CACNA1A: variants seen among roughly 807,000 people sequenced by gnomAD.
The protein encoded by CACNA1A is calcium voltage-gated channel subunit alpha1 A, also known as voltage-dependent P/Q-type calcium channel subunit alpha-1A.
A neutral mutation model predicts 262.4 loss-of-function variants in CACNA1A; 57 were observed. The observed-to-expected ratio is 0.22, with a 90% confidence interval of 0.18 to 0.27. The LOEUF is 0.27. CACNA1A is among the 10% of genes least tolerant of loss of function. The pLI, the probability that CACNA1A is intolerant of heterozygous loss-of-function variation, is 1.00. For missense variants in CACNA1A, 2,526 were observed against 3,562.8 expected, an observed-to-expected ratio of 0.71 and a Z score of 7.41; for synonymous variants, 1,431 against 1,419.3, an observed-to-expected ratio of 1.01 and a Z score of -0.18.
At chr19:13,336,339 T>C (rs936517862) in intron 6 of CACNA1A, among the ~76,000 whole-genome samples, 5 of 152,082 alleles carry the variant, frequency 3.3e-5, no homozygotes, top group Non-Finnish European at 5.9e-5. Flanking sequence ...CCTGGTGAAA[T>C]CACCAAGCCA....
At chr19:13,333,466 A>C (rs2058501342) in intron 8 of CACNA1A, among the ~76,000 whole-genome samples, 3 of 148,854 alleles carry the variant, frequency 2.0e-5, no homozygotes, top group South Asian at 2.1e-4. Flanking sequence ...ACAGAGTCTC[A>C]CTCTGTTGCC....
At position 13,208,814 on chromosome 19, in the gene CACNA1A, C is replaced by G; in HGVS notation, c.6722G>C (p.Arg2241Pro). ...ERPDHGRARA[R>P]DQRWSRSPSE... The stretch of plus-strand genomic sequence containing the variant: ...GGGCGAGCGGGACCAGCGCTGGTCC[C>G]GAGCCCGTGCCCGGCCGTGGTCCGG... The change falls in exon 46 of 47, where the codon CGG (arginine) becomes CCG (proline). Residue 2241 changes from arginine to proline, a missense_variant. Arg to Pro is a moderately radical substitution (Grantham distance 103, BLOSUM62 -2). Around this residue, in one of 17 missense-constraint regions of CACNA1A, gnomAD observed 929 missense variants for 868.1 expected, o/e 1.07. Transcript: ENST00000360228. The G allele has an allele frequency of 1.3e-6, 2 of 1,545,568 alleles. No homozygotes were observed. The highest frequency in any genetic ancestry group is 1.2e-5 in the South Asian group (1 of 85,308).
At chr19:13,223,684 G>A (rs2055323158) in intron 38 of CACNA1A, among the ~76,000 whole-genome samples, 2 of 152,152 alleles carry the variant, frequency 1.3e-5, no homozygotes, top group African/African-American at 2.4e-5. Flanking sequence ...CAATGCCCCG[G>A]GTGTCCTGTG....
At chr19:13,323,421 T>G (rs1049694062) in intron 10 of CACNA1A, among the ~76,000 whole-genome samples, 4 of 152,206 alleles carry the variant, frequency 2.6e-5, no homozygotes, top group African/African-American at 9.7e-5. Flanking sequence ...TGTATGTCTT[T>G]TCTTTTGGGA....
chr19:13,244,983 C>A, intron 31 of CACNA1A, 199 bp downstream of exon 31: 1 of 592,608 alleles, frequency 1.7e-6, no homozygotes, highest in South Asian at 2.0e-5. Flanking sequence ...CTTTGGTTAC[C>A]CCCATCTCCC....
At chr19:13,417,146 A>C (rs559958544) in intron 3 of CACNA1A, among the ~76,000 whole-genome samples, 1 of 152,222 alleles carries the variant, frequency 6.6e-6, no homozygotes, top group African/African-American at 2.4e-5. Context: ...GGTGGCAGCC[A>C]CTCGTCCAGG....
intron 3 of CACNA1A, among the ~76,000 whole-genome samples, chr19:13,438,595 A>G (rs1054200006): frequency 6.6e-6 from 1 of 152,200 alleles, no homozygotes; most frequent in Admixed American, 6.5e-5. Flanking sequence ...GCCAAACAGA[A>G]GAGCCACCCA....
At chr19:13,418,287 G>A (rs2060259457) in intron 3 of CACNA1A, among the ~76,000 whole-genome samples, 1 of 152,016 alleles carries the variant, frequency 6.6e-6, no homozygotes. Context: ...AGTGGAGGTG[G>A]GGGCAGAACC....
chr19:13,465,959 A>T (rs2061227617), intron 1 of CACNA1A, among the ~76,000 whole-genome samples: 1 of 152,150 alleles, frequency 6.6e-6, no homozygotes, highest in Non-Finnish European at 1.5e-5. Context: ...GTAAATCCAT[A>T]GAGACAGAAT....
intron 5 of CACNA1A, among the ~76,000 whole-genome samples, chr19:13,360,261 GTGTGTATATATATA>G: frequency 9.7e-6 from 1 of 103,460 alleles, no homozygotes; most frequent in African/African-American, 3.3e-5. Context: ...GTGTGTGTGT[GTGTGTATATATATA>G]TATATATATA....
intron 1 of CACNA1A, among the ~76,000 whole-genome samples, chr19:13,458,599 C>T (rs1046431450): frequency 2.6e-5 from 4 of 152,112 alleles, no homozygotes; most frequent in African/African-American, 7.2e-5. Flanking sequence ...CTCTAGATGC[C>T]CCATTTGCAT....
chr19:13,327,635 G>A (rs1044146318), intron 10 of CACNA1A, among the ~76,000 whole-genome samples: 1 of 148,460 alleles, frequency 6.7e-6, no homozygotes, highest in African/African-American at 2.5e-5. Context: ...GGGCAATGGC[G>A]CCATCTCAGC....
chr19:13,295,900 T>C (rs552076748), intron 19 of CACNA1A, among the ~76,000 whole-genome samples: 12 of 152,216 alleles, frequency 7.9e-5, no homozygotes, highest in South Asian at 2.1e-4. Context: ...ATTAAATAAA[T>C]GGAAGAAAGA....
At chr19:13,249,606 C>T (rs772143947) in intron 30 of CACNA1A, among the ~76,000 whole-genome samples, 25 of 152,148 alleles carry the variant, frequency 1.6e-4, no homozygotes, top group Non-Finnish European at 3.2e-4. Flanking sequence ...CCACCTGCCT[C>T]AGCCTCCCAA....
intron 1 of CACNA1A, among the ~76,000 whole-genome samples, chr19:13,485,145 C>A (rs1207727658): frequency 6.6e-6 from 1 of 152,026 alleles, no homozygotes; most frequent in African/African-American, 2.4e-5. Context: ...ATCATTGGGG[C>A]AAGAATGGGC....
chr19:13,281,902 T>A (rs1051692160), intron 22 of CACNA1A, among the ~76,000 whole-genome samples: 4 of 152,130 alleles, frequency 2.6e-5, no homozygotes, highest in African/African-American at 7.2e-5. Context: ...CCCTGGGAGC[T>A]GCCGTGCCCC....
intron 3 of CACNA1A, among the ~76,000 whole-genome samples, chr19:13,386,990 C>T (rs2059626740): frequency 1.3e-5 from 2 of 151,982 alleles, no homozygotes; most frequent in South Asian, 2.1e-4. Context: ...CTCACTCTGT[C>T]GCCCAGGCTG....
chr19:13,504,225 G>A (rs1982743067), intron 1 of CACNA1A, among the ~76,000 whole-genome samples: 1 of 152,142 alleles, frequency 6.6e-6, no homozygotes, highest in Non-Finnish European at 1.5e-5. Context: ...CCACCCCTGA[G>A]CACTTCAATG....
intron 10 of CACNA1A, among the ~76,000 whole-genome samples, chr19:13,320,739 T>C (rs564992124): frequency 6.6e-6 from 1 of 152,292 alleles, no homozygotes; most frequent in African/African-American, 2.4e-5. Context: ...TATACATTCC[T>C]GTCTCTCGTT....
Sources: allele counts gnomAD v4.1 joint callset (sites outside exome capture counted in the v4.1 genomes callset), GRCh38; gene constraint gnomAD v4.1.1; regional missense constraint gnomAD v4.1.1; transcripts MANE v1.5; gene names NCBI Gene and HGNC (gene_info 2026-07-23, HGNC 2026-07-21).